Variants in RYR2 observed in about 807,000 individuals in gnomAD.
RYR2 encodes the protein ryanodine receptor 2, also known as cardiac muscle ryanodine receptor-calcium release channel.
A neutral mutation model predicts 601.1 loss-of-function variants in RYR2; 227 were observed. That is an observed-to-expected ratio of 0.38 (90% CI 0.34 to 0.42). The LOEUF (loss-of-function observed/expected upper bound fraction) is 0.42, where lower values mean the gene tolerates loss of function less well. RYR2 is among the 10% of genes least tolerant of loss of function. The pLI is 1.00. For missense variants in RYR2, 4,646 were observed against 6,156.5 expected (o/e 0.75, Z 8.21); for synonymous variants, 2,223 against 2,175.1 (o/e 1.02, Z -0.61).
At chr1:237,693,368 C>G (rs1357494353) in intron 63 of RYR2, among the ~76,000 whole-genome samples, 1 of 152,130 alleles carries the variant, frequency 6.6e-6, no homozygotes, top group African/African-American at 2.4e-5. Flanking sequence ...TTTGAAAAGG[C>G]AGGCATGAAA....
intron 38 of RYR2, among the ~76,000 whole-genome samples, chr1:237,618,305 T>C (rs1266950678): frequency 1.3e-5 from 2 of 152,186 alleles, no homozygotes; most frequent in African/African-American, 4.8e-5. Flanking sequence ...AGATTAACTC[T>C]GTTAAACTAC....
At chr1:237,665,289 C>T (rs1206494809) in intron 56 of RYR2, among the ~76,000 whole-genome samples, 3 of 151,312 alleles carry the variant, frequency 2.0e-5, no homozygotes, top group African/African-American at 4.9e-5. Context: ...ATCCCAGCTA[C>T]TCGGGAGGCT....
Position 237,784,659 on chromosome 1 carries a change from G to C in RYR2, c.12947G>C (p.Gly4316Ala). Residue 4316 changes from glycine to alanine, a missense_variant, in exon 90 of 105, where the codon GGA (glycine) becomes GCA (alanine). This residue lies in a region of RYR2 where 364 missense variants were observed against 442.9 expected (regional missense o/e 0.82). Transcript: ENST00000366574. The surrounding 1 kb of genome is among the most constrained non-coding windows in gnomAD (Gnocchi z 7.1). ...FRIICSLLLG[G>A]SLVEGAKKIK... is the part of the protein sequence containing the mutation. ...ATCATTTGCAGCCTGCTGCTTGGGG[G>C]AAGCCTCGTCGAAGGTGCTAAAAAG... 1 of 1,613,230 alleles carries C rather than the reference G, an allele frequency of 6.2e-7. No homozygotes were observed. The highest frequency in any genetic ancestry group is 8.5e-7 in the Non-Finnish European group (1 of 1,179,532).
At chr1:237,243,177 C>T (rs773998886) in intron 1 of RYR2, among the ~76,000 whole-genome samples, 39 of 152,102 alleles carry the variant, frequency 2.6e-4, no homozygotes, top group Non-Finnish European at 4.9e-4. Context: ...CAAGCATGAA[C>T]CCTAGCTGAG....
intron 1 of RYR2, among the ~76,000 whole-genome samples, chr1:237,111,503 G>A (rs1003148790): frequency 8.6e-5 from 13 of 151,110 alleles, no homozygotes; most frequent in African/African-American, 2.4e-4. Flanking sequence ...GAGGAGAATC[G>A]CTTGAACCTG....
rs200470545 is a variant in RYR2, at chr1:237,056,684, GAGCACTGCACCTGTGAGGACTGC to G, written c.48+14138_48+14160del. Among the ~76,000 whole-genome samples, 1,143 of 129,166 alleles carry G rather than the reference GAGCACTGCACCTGTGAGGACTGC, an allele frequency of 8.8e-3. 79 individuals are homozygous for G. Among genetic ancestry groups the G allele is most frequent in the Middle Eastern group, 0.024 (5 of 212 alleles). 84.7% of individuals were successfully genotyped at this position (129,166 alleles called of 152,430 possible). A position where few individuals can be genotyped will look rare whatever the true frequency, so the allele number is the denominator to read the frequency against. On this transcript the variant is annotated intron_variant, in intron 1 of 104. Coordinates refer to ENST00000366574, the MANE Select transcript of RYR2 (RefSeq NM_001035.3). Reference sequence around the variant, plus strand: ...ACTAGAGACTGCATTGTGAGGACTGGAGCACTGCACCTGTGAGGACTGCAGCACTGCACCTGTGAGGACTGGAG... The same window carrying G: ...ACTAGAGACTGCATTGTGAGGACTGGAGCACTGCACCTGTGAGGACTGGAG...
chr1:237,384,351 C>G, intron 8 of RYR2, among the ~76,000 whole-genome samples: 1 of 152,336 alleles, frequency 6.6e-6, no homozygotes, highest in South Asian at 2.1e-4. Flanking sequence ...TGGTTTGGCG[C>G]CAGCCTTTGT....
intron 60 of RYR2, among the ~76,000 whole-genome samples, chr1:237,676,133 G>T (rs902164464): frequency 1.3e-5 from 2 of 152,058 alleles, no homozygotes; most frequent in African/African-American, 4.8e-5. Context: ...CATTTGAAAG[G>T]ATCCGATATG....
At chr1:237,591,611 TA>T in intron 31 of RYR2, 127 bp from the exon 32 acceptor site, 1 of 703,714 alleles carries the variant, frequency 1.4e-6, no homozygotes, top group Non-Finnish European at 2.5e-6. Context: ...TATTTTCAGA[TA>T]TTCCCAGATG....
Position 237,623,359 on chromosome 1 carries a change from G to GTTTCTTTCTTTCTTTCTTTGTTTC in RYR2, c.5917-387_5917-386insGTTTCTTTCTTTCTTTCTTTCTTT, listed in dbSNP as rs1553528129. Among the ~76,000 whole-genome samples, 425 of 48,838 alleles carry GTTTCTTTCTTTCTTTCTTTGTTTC rather than the reference G, an allele frequency of 8.7e-3. 7 individuals are homozygous for GTTTCTTTCTTTCTTTCTTTGTTTC. Among genetic ancestry groups the GTTTCTTTCTTTCTTTCTTTGTTTC allele is most frequent in the African/African-American group, 0.014 (253 of 17,482 alleles). The allele number at this position is 48,838 out of a possible 152,430, so 32.0% of individuals were successfully genotyped here. ...TTTTGTGGTAGTTGTGCCTTTCTTT[G>GTTTCTTTCTTTCTTTCTTTGTTTC]TTTCTTTCTTTCTTTCTTTCTTTCT... On this transcript the variant is annotated intron_variant, in intron 38 of 104. Coordinates refer to ENST00000366574, the MANE Select transcript of RYR2 (RefSeq NM_001035.3).
At chr1:237,394,820 G>C (rs1006252570) in intron 10 of RYR2, among the ~76,000 whole-genome samples, 1 of 152,078 alleles carries the variant, frequency 6.6e-6, no homozygotes, top group African/African-American at 2.4e-5. Context: ...CCTGAAACTG[G>C]GTAATTTATA....
At chr1:237,469,276 A>AAC in intron 17 of RYR2, 89 bp downstream of exon 17, 1 of 774,594 alleles carries the variant, frequency 1.3e-6, no homozygotes, top group Non-Finnish European at 1.9e-6. Flanking sequence ...AAAAAAAAAA[A>AAC]AAACAACTTT....
chr1:237,492,966 T>C lies in RYR2; in HGVS notation c.1840T>C (p.Leu614=), dbSNP rs1234552235. 2 of 1,592,776 alleles carry C rather than the reference T, an allele frequency of 1.3e-6. No homozygotes were observed. The highest frequency in any genetic ancestry group is 1.7e-4 in the Middle Eastern group (1 of 6,034). ...TTTCTCTTTTCAGGTTCTGGATGTC[T>C]TGTGCTCACTCTGTGTTTGCCACGG... is the stretch of plus-strand genomic sequence containing the variant. The part of the protein sequence containing the change: ...HGRNHKVLDV[L]CSLCVCHGVA... Residue 614 remains leucine (L), a synonymous_variant, in exon 19 of 105, where the codon TTG becomes CTG. Transcript: ENST00000366574.
At chr1:237,822,696 A>G (rs1369400866) in intron 101 of RYR2, among the ~76,000 whole-genome samples, 4 of 152,238 alleles carry the variant, frequency 2.6e-5, no homozygotes, top group Admixed American at 6.5e-5. Flanking sequence ...CCTTAAATGT[A>G]AACAGGCTAA....
intron 24 of RYR2, among the ~76,000 whole-genome samples, chr1:237,517,241 A>G (rs1287139820): frequency 6.6e-6 from 1 of 152,050 alleles, no homozygotes. Flanking sequence ...CTCCCTACTC[A>G]TCCCTCAGGC....
chr1:237,339,730 G>C (rs1697588685), intron 3 of RYR2, among the ~76,000 whole-genome samples: 3 of 152,100 alleles, frequency 2.0e-5, no homozygotes, highest in Admixed American at 1.3e-4. Context: ...GTGTTTGCTT[G>C]GTTCACAGGC....
At chr1:237,526,976 G>A (rs1160946000) in intron 24 of RYR2, among the ~76,000 whole-genome samples, 3 of 152,078 alleles carry the variant, frequency 2.0e-5, no homozygotes, top group African/African-American at 7.2e-5. Context: ...GTTAATTTTT[G>A]TACATGGTGA....
At chr1:237,099,701 A>G (rs1028665426) in intron 1 of RYR2, among the ~76,000 whole-genome samples, 6 of 152,236 alleles carry the variant, frequency 3.9e-5, no homozygotes, top group Non-Finnish European at 5.9e-5. Flanking sequence ...TTCTTTTGCT[A>G]TGAAAAACTA....
intron 1 of RYR2, among the ~76,000 whole-genome samples, chr1:237,071,511 A>G (rs1482378996): frequency 6.6e-6 from 1 of 151,828 alleles, no homozygotes; most frequent in Non-Finnish European, 1.5e-5. Flanking sequence ...GGAATGAGCC[A>G]CCCTGCCCGG....
Sources: gnomAD v4.1 joint callset for allele counts (sites outside exome capture counted in the v4.1 genomes callset) on GRCh38, gnomAD v4.1.1 for gene constraint, gnomAD v4.1.1 regional missense constraint, Gnocchi (gnomAD v3.1) non-coding constraint, MANE v1.5 for transcripts, NCBI Gene and HGNC (gene_info 2026-07-23, HGNC 2026-07-21) for gene names.